MYH13: variants seen among roughly 807,000 people sequenced by gnomAD.
MYH13 encodes the protein myosin heavy chain 13.
MYH13 carries 177 observed loss-of-function variants against 232.1 expected under a neutral mutation model. The observed-to-expected ratio is 0.76, with a 90% CI of 0.67 to 0.86. The LOEUF (loss-of-function observed/expected upper bound fraction) is 0.86, where lower values mean the gene tolerates loss of function less well. Ranked by LOEUF, MYH13 falls within the 40% of genes least tolerant of loss-of-function variation. MYH13 has a pLI of 0.00. For missense variants in MYH13, 2,246 were observed against 2,405.9 expected, an observed-to-expected ratio of 0.93 and a Z score of 1.39; for synonymous variants, 884 against 923.5, an observed-to-expected ratio of 0.96 and a Z score of 0.78.
At position 10,316,385 on chromosome 17, in the gene MYH13, C is replaced by A. The variant is rs1490414230; in HGVS notation, c.3739-360G>T. ...CTGAGGCAGGAGAATCGCTTGAACT[C>A]GGGAGGCGGAGGTTGCAGTGAGCCG... On this transcript the variant is annotated intron_variant, in intron 27 of 40. Transcript: ENST00000252172. Among the ~76,000 whole-genome samples, 4 of 152,084 alleles carry A rather than the reference C, an allele frequency of 2.6e-5. 1 individual carries two copies. The East Asian group carries it at 7.8e-4, about 29-fold the overall frequency.
chr17:10,358,304 T>C (rs532233111), intron 7 of MYH13, among the ~76,000 whole-genome samples: 2 of 152,164 alleles, frequency 1.3e-5, no homozygotes, highest in African/African-American at 4.8e-5. Flanking sequence ...CAAAAACTTA[T>C]GAGAATGATT....
Position 10,327,948 on chromosome 17 carries a change from G to C in MYH13, c.2609C>G (p.Ser870Cys). The C allele has an allele frequency of 6.2e-7, 1 of 1,613,974 alleles. No homozygotes were observed. The highest frequency in any genetic ancestry group is 8.5e-7 in the Non-Finnish European group (1 of 1,179,966). The change falls in exon 22 of 41, where the codon TCT (serine) becomes TGT (cysteine). Residue 870 changes from serine to cysteine, a missense_variant. Coordinates refer to ENST00000252172, the MANE Select transcript of MYH13 (RefSeq NM_003802.3). ...CTCCAGCTCCTTCCGGCGAGCCTCA[G>C]ATCGGGCCAGTTCTTCCTTGGTCCT... ...FERTKEELAR[S>C]EARRKELEEK...
chr17:10,340,118 T>A, intron 18 of MYH13, 32 bp downstream of exon 18: 2 of 1,588,792 alleles, frequency 1.3e-6, no homozygotes, highest in Non-Finnish European at 1.7e-6. Context: ...CCTGTTCTGT[T>A]CAAATACTTG....
At chr17:10,350,763 A>G (rs1474707034) in intron 11 of MYH13, 69 bp from the exon 12 acceptor site, 2 of 1,587,436 alleles carry the variant, frequency 1.3e-6, no homozygotes, top group Non-Finnish European at 1.7e-6. Flanking sequence ...TTCTTGGCAA[A>G]GACCTTACCT....
In MYH13 at chr17:10,360,664, C is replaced by T. The variant is rs568995648; in HGVS notation, c.506-476G>A. ...AATAGAGCATGGATTGAACTGTGTC[C>T]TCCTAAAATTCACATATTGAATTTC... On this transcript the variant is annotated intron_variant, in intron 5 of 40. Coordinates refer to ENST00000252172, the MANE Select transcript of MYH13 (RefSeq NM_003802.3). Among the ~76,000 whole-genome samples, 13 of 152,196 alleles carry T rather than the reference C, an allele frequency of 8.5e-5. No individual in the cohort carries two copies. The South Asian group carries it at 2.5e-3, about 29-fold the overall frequency.
At chr17:10,305,811 A>C (rs1441253404) in intron 37 of MYH13, among the ~76,000 whole-genome samples, 4 of 152,242 alleles carry the variant, frequency 2.6e-5, no homozygotes, top group Non-Finnish European at 5.9e-5. Flanking sequence ...ATACGCTCCC[A>C]GATAAAGAAA....
At chr17:10,359,444 C>T (rs1185120750) in intron 7 of MYH13, among the ~76,000 whole-genome samples, 1 of 152,204 alleles carries the variant, frequency 6.6e-6, no homozygotes, top group East Asian at 1.9e-4. Context: ...TTGCCCTAGA[C>T]ATCTTTTCCA....
rs374285361 is a variant in MYH13 at position 10,309,685 on chromosome 17, A to G, written c.4802T>C (p.Leu1601Pro). The change falls in exon 34 of 41, where the codon CTG (leucine) becomes CCG (proline). Residue 1601 changes from leucine to proline, a missense_variant. By Grantham distance (98) the Leu-to-Pro change is moderately conservative. Transcript: ENST00000252172. The part of the protein sequence containing the change: ...KRNSQRAAEA[L>P]QSVLDAEIRS... ...GATTTCAGCATCCAGCACGCTCTGC[A>G]GGGCCTCTGCTGCCCGCTGGCTGTT... The G allele has an allele frequency of 9.9e-6, 16 of 1,609,256 alleles. No homozygotes were observed. The African/African-American group carries it at 1.5e-4, about 15-fold the overall frequency.
In MYH13 at chr17:10,315,623, T is replaced by C. The variant is rs1863992946; in HGVS notation, c.3984+70A>G. ...CAGATTTCTTGATGTAGCACTGCTCTGACCAGCTTCACGGGTGAAGTGGTC... is the reference window on the plus strand; with the variant it reads ...CAGATTTCTTGATGTAGCACTGCTCCGACCAGCTTCACGGGTGAAGTGGTC... On this transcript the variant is annotated intron_variant, in intron 29 of 40. Transcript: ENST00000252172. 6 of 1,387,968 alleles carry C rather than the reference T, an allele frequency of 4.3e-6. No individual in the cohort carries two copies. In the South Asian group the frequency reaches 7.5e-5, roughly 17 times the overall value. 86.0% of individuals were successfully genotyped at this position (1,387,968 alleles called of 1,614,324 possible).
chr17:10,335,917 G>T (rs1490998731), intron 18 of MYH13, among the ~76,000 whole-genome samples: 2 of 152,196 alleles, frequency 1.3e-5, no homozygotes, highest in African/African-American at 4.8e-5. Context: ...AGCTTCTAGA[G>T]CCAGAAGAAA....
chr17:10,357,611 T>C lies in MYH13; in HGVS notation c.738+124A>G, dbSNP rs531533019. The C allele has an allele frequency of 1.0e-5, 8 of 777,406 alleles. No homozygotes were observed. In the South Asian group the frequency reaches 1.5e-4, roughly 15 times the overall value. The allele number at this position is 777,406 out of a possible 1,614,324, so 48.2% of individuals were successfully genotyped here. ...AATATTCCAGGTGGGTAGATTGATC[T>C]CAATCACTTGGGGGTAGAAAAAGGC... On this transcript the variant is annotated intron_variant, in intron 8 of 40. Transcript: ENST00000252172.
rs1429260344 is a variant in MYH13, at chr17:10,346,023, AAAAG to A, written c.1264-411_1264-408del. 3.4e-3 allele frequency among the ~76,000 whole-genome samples: 487 copies of A among 142,754 alleles called. 4 individuals are homozygous for A. Among genetic ancestry groups the A allele is most frequent in the African/African-American group, 0.012 (439 of 37,746 alleles). The allele number at this position is 142,754 out of a possible 152,430, so 93.7% of individuals were successfully genotyped here. A position where few individuals can be genotyped will look rare whatever the true frequency, so the allele number is the denominator to read the frequency against. On this transcript the variant is annotated intron_variant, in intron 13 of 40. Coordinates refer to ENST00000252172, the MANE Select transcript of MYH13 (RefSeq NM_003802.3). ...AAAAAAAAAAAAAAAACAAAAGAAA[AAAAG>A]AAAATCAAAAGCAGTTGAATATTGG...
intron 5 of MYH13, among the ~76,000 whole-genome samples, chr17:10,361,292 CTT>C (rs147949319): frequency 1.6e-4 from 22 of 137,064 alleles, no homozygotes; most frequent in Non-Finnish European, 1.6e-4. Flanking sequence ...ATGCTAGACT[CTT>C]TTTTTTTTTT....
chr17:10,320,458 C>T lies in MYH13; in HGVS notation c.3150G>A (p.Ala1050=), dbSNP rs377179318. 21 of 1,613,318 alleles carry T rather than the reference C, an allele frequency of 1.3e-5. No homozygotes were observed. The highest frequency in any genetic ancestry group is 2.7e-5 in the African/African-American group (2 of 74,916). Residue 1050 remains alanine, a synonymous_variant, in exon 25 of 41, where the codon GCG becomes GCA. Coordinates refer to ENST00000252172, the MANE Select transcript of MYH13 (RefSeq NM_003802.3). ...GCTTCCTCTTCGCCCTTTCCAAGTC[C>T]GCCCGCAGTTTCTTCTCCTGCTCTA... ...GSLEQEKKLR[A]DLERAKRKLE...
chr17:10,324,754 ATGTTTTTTTT>A (rs751029588), intron 22 of MYH13: 2 of 48,974 alleles, frequency 4.1e-5, no homozygotes, highest in Non-Finnish European at 8.5e-5. Context: ...GTCCATATAC[ATGTTTTTTTT>A]TTTTTTTTTT....
chr17:10,309,339 C>T lies in MYH13; in HGVS notation c.5064G>A (p.Glu1688=), dbSNP rs779451674. ...VERRNGLLLE[E]LEEMKVALEQ... is the part of the protein sequence containing the mutation. ...CCAGGGCCACCTTCATTTCCTCCAGCTCCTCCAGCAGGAGGCCATTCCTGC... is the reference window on the plus strand; with the variant it reads ...CCAGGGCCACCTTCATTTCCTCCAGTTCCTCCAGCAGGAGGCCATTCCTGC... Residue 1688 remains glutamate (E), a synonymous_variant, in exon 35 of 41, where the codon GAG becomes GAA. Transcript: ENST00000252172. The T allele has an allele frequency of 2.5e-6, 4 of 1,613,882 alleles. No individual in the cohort carries two copies. Among genetic ancestry groups the T allele is most frequent in the Middle Eastern group, 1.6e-4 (1 of 6,062 alleles).
rs10587803 is a variant in MYH13 at position 10,353,931 on chromosome 17, A to AGAAGGAAGGAAGGAAGGAAGGAAG, written c.1005+725_1005+748dup. Among the ~76,000 whole-genome samples, 75 of 146,168 alleles carry AGAAGGAAGGAAGGAAGGAAGGAAG rather than the reference A, an allele frequency of 5.1e-4. No homozygotes were observed. In the East Asian group the frequency reaches 6.1e-3, roughly 12 times the overall value. ...AAGGAGAGAGAGAGGAAGGAAGGAA[A>AGAAGGAAGGAAGGAAGGAAGGAAG]GAAGGAAGGAAGGAAGGAAGGAAGG... On this transcript the variant is annotated intron_variant, in intron 11 of 40. Coordinates refer to ENST00000252172, the MANE Select transcript of MYH13 (RefSeq NM_003802.3).
intron 22 of MYH13, among the ~76,000 whole-genome samples, chr17:10,325,705 TCTCA>T (rs1253109770): frequency 6.6e-6 from 1 of 152,134 alleles, no homozygotes; most frequent in African/African-American, 2.4e-5. Context: ...TGAGACGGAG[TCTCA>T]CTCTGTTGCC....
rs753325183 is a variant in MYH13, at chr17:10,324,083, A to T, written c.2873T>A (p.Ile958Asn). ...EDKCSSLKRD[I>N]DDLELTLTKV... ...CGTCAAGGTCAGCTCCAGGTCATCA[A>T]TGTCTCTCTTGAGAGAGGAGCATTT... The change falls in exon 23 of 41, where the codon ATT (isoleucine) becomes AAT (asparagine). Residue 958 changes from isoleucine to asparagine, a missense_variant. Ile to Asn is a moderately radical substitution (Grantham distance 149). Transcript: ENST00000252172. 2 of 1,613,944 alleles carry T rather than the reference A, an allele frequency of 1.2e-6. No homozygotes were observed. The highest frequency in any genetic ancestry group is 1.7e-6 in the Non-Finnish European group (2 of 1,179,950).
Sources: allele counts gnomAD v4.1 joint callset (sites outside exome capture counted in the v4.1 genomes callset), GRCh38; gene constraint gnomAD v4.1.1; transcripts MANE v1.5; gene names NCBI Gene and HGNC (gene_info 2026-07-23, HGNC 2026-07-21).